DRP2: variants seen among roughly 807,000 people sequenced by gnomAD.
DRP2 encodes dystrophin-related protein 2.
In DRP2, 29 loss-of-function variants were observed where a neutral mutation model predicts 78.2. The observed-to-expected ratio is 0.37, with a 90% CI of 0.28 to 0.51. The LOEUF (loss-of-function observed/expected upper bound fraction) is 0.51, where lower values mean the gene tolerates loss of function less well. DRP2 is among the 20% of genes least tolerant of loss of function. The pLI, the probability that DRP2 is intolerant of heterozygous loss-of-function variation, is 0.94. For synonymous variants in DRP2, 290 were observed against 281.9 expected, an observed-to-expected ratio of 1.03 and a Z score of -0.29; for missense variants, 686 against 770.6, an observed-to-expected ratio of 0.89 and a Z score of 1.30.
At chrX:101,254,304 A>G in intron 17 of DRP2, 121 bp from the exon 18 acceptor site, 3 of 877,511 alleles carry the variant, frequency 3.4e-6, no homozygotes, top group Non-Finnish European at 3.2e-6. Flanking sequence ...GGAGCAGGGT[A>G]TGGTGGGCAT....
rs781732401 is a variant in DRP2 at position 101,261,582 on chromosome X, G to A, written c.*961G>A. On this transcript the variant is annotated 3_prime_UTR_variant, in exon 24 of 24. Transcript: ENST00000395209. The stretch of plus-strand genomic sequence containing the variant: ...CTGCCATCCAACACCCTTCCAGGCT[G>A]TGACCCTTCTAGCTCTCAGGCTGAA... 9.0e-6 allele frequency: 1 copy of A among 111,518 alleles called. No individual in the cohort carries two copies. Among genetic ancestry groups the A allele is most frequent in the East Asian group, 2.8e-4 (1 of 3,548 alleles). 9.2% of individuals were successfully genotyped at this position (111,518 alleles called of 1,213,427 possible).
rs1438266280 is a variant in DRP2 at position 101,250,440 on chromosome X, G to A, written c.1558G>A (p.Ala520Thr). The A allele has an allele frequency of 8.3e-7, 1 of 1,209,800 alleles. No individual in the cohort carries two copies. The highest frequency in any genetic ancestry group is 1.1e-6 in the Non-Finnish European group (1 of 895,193). The change falls in exon 15 of 24, where the codon GCC becomes ACC. Residue 520 changes from alanine to threonine, a missense_variant. Ala to Thr is a moderately conservative substitution (Grantham distance 58, BLOSUM62 0). Around this residue, in one of 2 missense-constraint regions of DRP2, gnomAD observed 423 missense variants for 531.5 expected, o/e 0.80. Coordinates refer to ENST00000395209, the MANE Select transcript of DRP2 (RefSeq NM_001939.3). ...EKLQYLFSQV[A>T]NSGSQCDQRH... ...GCCAGCAGACCTCTTCAGCCAAGTG[G>A]CCAACTCAGGCAGCCAGTGTGACCA...
intron 1 of DRP2, among the ~76,000 whole-genome samples, chrX:101,221,351 C>T (rs943849591): frequency 1.8e-5 from 2 of 112,625 alleles, no homozygotes; most frequent in African/African-American, 6.5e-5. Flanking sequence ...AACCACAAGC[C>T]TCAGGTGATT....
intron 2 of DRP2, among the ~76,000 whole-genome samples, chrX:101,230,871 T>A (rs1922283073): frequency 8.9e-6 from 1 of 112,099 alleles, no homozygotes; most frequent in African/African-American, 3.2e-5. Context: ...AACTCACGAT[T>A]CCCTCATCTG....
In DRP2 at chrX:101,262,389, C is replaced by T. The variant is rs1923589898; in HGVS notation, c.*1768C>T. The T allele has an allele frequency of 9.0e-6, 1 of 111,686 alleles. No individual in the cohort carries two copies. Among genetic ancestry groups the T allele is most frequent in the Non-Finnish European group, 1.9e-5 (1 of 53,145 alleles). 9.2% of individuals were successfully genotyped at this position (111,686 alleles called of 1,213,427 possible). On this transcript the variant is annotated 3_prime_UTR_variant, in exon 24 of 24. Transcript: ENST00000395209. ...CCCCATGCAGAAAAGGACAAACAGG[C>T]CTTTATTAGCCTTTGCCAGCTAAGA...
chrX:101,251,212 T>A lies in DRP2; in HGVS notation c.1865+129T>A, dbSNP rs376053133. The A allele has an allele frequency of 1.0e-4, 61 of 607,898 alleles. No individual in the cohort carries two copies. The African/African-American group carries it at 1.1e-3, about 11-fold the overall frequency. 50.1% of individuals were successfully genotyped at this position (607,898 alleles called of 1,213,427 possible). On this transcript the variant is annotated intron_variant, in intron 16 of 23. Coordinates refer to ENST00000395209, the MANE Select transcript of DRP2 (RefSeq NM_001939.3). ...AGCTAGTCTATTGTACATTATTATATACTGTTATAATCCTTTATATTGCAG... is the reference window on the plus strand; with the variant it reads ...AGCTAGTCTATTGTACATTATTATAAACTGTTATAATCCTTTATATTGCAG...
chrX:101,255,736 T>G (rs1037300134), intron 20 of DRP2, among the ~76,000 whole-genome samples: 1 of 110,394 alleles, frequency 9.1e-6, no homozygotes, highest in Non-Finnish European at 1.9e-5. Flanking sequence ...TCAGAGGTCC[T>G]AGGAGCTTCT....
At chrX:101,252,465 T>C in intron 16 of DRP2, 140 bp from the exon 17 acceptor site, 2 of 464,331 alleles carry the variant, frequency 4.3e-6, no homozygotes, top group South Asian at 7.2e-5. Context: ...CTGCTATGTA[T>C]ACGAGGTTGG....
At chrX:101,251,124 T>C in intron 16 of DRP2, 41 bp downstream of exon 16, 2 of 1,125,243 alleles carry the variant, frequency 1.8e-6, no homozygotes, top group Non-Finnish European at 2.4e-6. Flanking sequence ...ATAATAAATA[T>C]GTCATGTGAC....
At chrX:101,251,215 T>C (rs1001713344) in intron 16 of DRP2, 132 bp downstream of exon 16, 1 of 592,447 alleles carries the variant, frequency 1.7e-6, no homozygotes, top group South Asian at 4.1e-5. Context: ...TATTATATAC[T>C]GTTATAATCC....
At position 101,229,458 on chromosome X, in the gene DRP2, A is replaced by C. The variant is rs189374384; in HGVS notation, c.-63-2127A>C. 4.3e-3 allele frequency among the ~76,000 whole-genome samples: 477 copies of C among 111,729 alleles called. 4 individuals carry two copies. The highest frequency in any genetic ancestry group is 9.3e-3 in the Middle Eastern group (2 of 216). ...ATTTGTAATAATCTCCATTCTTTGGACTATGGTCTCCTGAGGAGGAGGGGT... is the reference window on the plus strand; with the variant it reads ...ATTTGTAATAATCTCCATTCTTTGGCCTATGGTCTCCTGAGGAGGAGGGGT... On this transcript the variant is annotated intron_variant, in intron 2 of 23. Transcript: ENST00000395209.
chrX:101,230,106 A>G (rs1009217606), intron 2 of DRP2, among the ~76,000 whole-genome samples: 9 of 112,003 alleles, frequency 8.0e-5, no homozygotes, highest in South Asian at 3.7e-4. Flanking sequence ...TACCTCTCCA[A>G]TGTACCTCAG....
chrX:101,233,944 A>G (rs1422303871), intron 3 of DRP2, among the ~76,000 whole-genome samples: 1 of 111,915 alleles, frequency 8.9e-6, no homozygotes, highest in African/African-American at 3.2e-5. Flanking sequence ...TCTCAAAGGC[A>G]GGGCAGAGCA....
chrX:101,242,888 C>T lies in DRP2; in HGVS notation c.976-16C>T. ...GCTGGAATGAATCTACTGACCTCAC[C>T]CTGTTCTTTCCATAGGCGTCAGTTA... On this transcript the variant is annotated splice_polypyrimidine_tract_variant and intron_variant, in intron 8 of 23. Transcript: ENST00000395209. The T allele has an allele frequency of 8.3e-6, 10 of 1,204,448 alleles. No individual in the cohort carries two copies. The highest frequency in any genetic ancestry group is 1.1e-5 in the Non-Finnish European group (10 of 889,576).
chrX:101,258,170 G>A, intron 21 of DRP2, 139 bp from the exon 22 acceptor site: 2 of 486,774 alleles, frequency 4.1e-6, no homozygotes, highest in Non-Finnish European at 7.0e-6. Flanking sequence ...AGCACAGCTG[G>A]GGGTGGGGAT....
intron 12 of DRP2, among the ~76,000 whole-genome samples, chrX:101,247,438 T>C (rs906425169): frequency 8.9e-6 from 1 of 112,274 alleles, no homozygotes; most frequent in Non-Finnish European, 1.9e-5. Context: ...AAGCAACTGC[T>C]TTGTGACAGG....
At chrX:101,228,776 G>T (rs1484374116) in intron 2 of DRP2, among the ~76,000 whole-genome samples, 1 of 111,216 alleles carries the variant, frequency 9.0e-6, no homozygotes, top group Non-Finnish European at 1.9e-5. Context: ...AGGCATTGTG[G>T]TGCACACCTG....
intron 3 of DRP2, 41 bp from the exon 4 acceptor site, chrX:101,235,819 G>T (rs1922478666): frequency 8.5e-7 from 1 of 1,172,878 alleles, no homozygotes; most frequent in African/African-American, 1.8e-5. Context: ...CCAGGGTGTG[G>T]CACAATCCAA....
chrX:101,254,486 A>G lies in DRP2; in HGVS notation c.2039A>G (p.Lys680Arg), dbSNP rs1406685834. Residue 680 changes from lysine (K) to arginine (R), a missense_variant, in exon 18 of 24, where the codon AAG (lysine) becomes AGG (arginine). This residue lies in a region of DRP2 where 423 missense variants were observed against 531.5 expected (regional missense o/e 0.80). Coordinates refer to ENST00000395209, the MANE Select transcript of DRP2 (RefSeq NM_001939.3). Reference protein sequence around the residue: ...ATTLKNKFRSKHYFSKHPQRG... With the variant: ...ATTLKNKFRSRHYFSKHPQRG... ...ACCTTAAAGAACAAATTCCGCTCCAAGCATTATTTCAGCAAACACCCTCAG... is the reference window on the plus strand; with the variant it reads ...ACCTTAAAGAACAAATTCCGCTCCAGGCATTATTTCAGCAAACACCCTCAG... 1.7e-6 allele frequency: 2 copies of G among 1,210,312 alleles called. No homozygotes were observed. The highest frequency in any genetic ancestry group is 2.2e-6 in the Non-Finnish European group (2 of 895,335).
Sources: gnomAD v4.1 joint callset for allele counts (sites outside exome capture counted in the v4.1 genomes callset) on GRCh38, gnomAD v4.1.1 for gene constraint, gnomAD v4.1.1 regional missense constraint, MANE v1.5 for transcripts, NCBI Gene and HGNC (gene_info 2026-07-23, HGNC 2026-07-21) for gene names.